Variants in TBC1D9 observed in about 807,000 individuals in gnomAD.
The protein encoded by TBC1D9 is TBC1 domain family member 9, also known as TBC1 domain family member 9A.
TBC1D9 carries 63 observed loss-of-function variants against 132.0 expected under a neutral mutation model. The observed-to-expected ratio is 0.48, with a 90% CI of 0.39 to 0.59. The LOEUF is 0.59. TBC1D9 is among the 20% of genes least tolerant of loss of function. The pLI is 0.00. For synonymous variants in TBC1D9, 610 were observed against 609.9 expected (o/e 1.00, Z 0.00); for missense variants, 1,261 against 1,592.7 (o/e 0.79, Z 3.54).
intron 13 of TBC1D9, 24 bp downstream of exon 13, chr4:140,657,073 G>A: frequency 6.2e-7 from 1 of 1,611,490 alleles, no homozygotes; most frequent in Non-Finnish European, 8.5e-7. Flanking sequence ...GTTAAGCCCT[G>A]CTCAGCCAGG....
intron 9 of TBC1D9, among the ~76,000 whole-genome samples, chr4:140,665,009 AG>A (rs2111004368): frequency 6.6e-6 from 1 of 151,300 alleles, no homozygotes; most frequent in Admixed American, 6.6e-5. Flanking sequence ...CAGGAGGCTG[AG>A]GCAGAAGAAT....
intron 13 of TBC1D9, chr4:140,645,068 C>A: frequency 2.0e-6 from 1 of 507,240 alleles, no homozygotes; most frequent in African/African-American, 1.9e-5. Flanking sequence ...CGGAGCCTGC[C>A]AGCACTGGGC....
Position 140,659,637 on chromosome 4 carries a change from C to G in TBC1D9, c.1872G>C (p.Val624=), listed in dbSNP as rs1352051778. The change falls in exon 11 of 21, where the codon GTG becomes GTC. Residue 624 remains valine, a synonymous_variant. Coordinates refer to ENST00000442267, the MANE Select transcript of TBC1D9 (RefSeq NM_015130.3). The part of the protein sequence containing the change: ...AKEEEAFWLL[V]ALCERMLPDY... ...CTGGGAGCATGCGCTCACACAAAGC[C>G]ACAAGCAGCCAGAAAGCTTCCTCCT... 1 of 1,607,252 alleles carries G rather than the reference C, an allele frequency of 6.2e-7. No individual in the cohort carries two copies. Among genetic ancestry groups the G allele is most frequent in the African/African-American group, 1.3e-5 (1 of 74,958 alleles).
At chr4:140,684,911 T>C (rs745982069) in intron 3 of TBC1D9, among the ~76,000 whole-genome samples, 6 of 151,928 alleles carry the variant, frequency 3.9e-5, no homozygotes, top group Non-Finnish European at 7.4e-5. Flanking sequence ...TGGGATAGTG[T>C]GAGCACCAAA....
chr4:140,701,000 G>A (rs1738061054), intron 2 of TBC1D9: 1 of 155,242 alleles, frequency 6.4e-6, no homozygotes, highest in Admixed American at 6.3e-5. Flanking sequence ...ATTATCATCA[G>A]GAGAAATAAA....
intron 2 of TBC1D9, among the ~76,000 whole-genome samples, chr4:140,687,819 C>T (rs1224843186): frequency 1.3e-5 from 2 of 152,166 alleles, no homozygotes; most frequent in Non-Finnish European, 2.9e-5. Context: ...AGTGCAGTGG[C>T]TCACGACTGT....
intron 13 of TBC1D9, chr4:140,643,283 G>C: frequency 7.7e-7 from 1 of 1,305,094 alleles, no homozygotes; most frequent in Non-Finnish European, 1.1e-6. Context: ...GGGTGATGCC[G>C]TGCAGAAAGC....
intron 9 of TBC1D9, among the ~76,000 whole-genome samples, chr4:140,667,271 G>A (rs1414598801): frequency 1.3e-5 from 2 of 152,096 alleles, no homozygotes; most frequent in South Asian, 2.1e-4. Flanking sequence ...TCCATCTGCC[G>A]TTAAAGGAAA....
intron 1 of TBC1D9, among the ~76,000 whole-genome samples, chr4:140,743,039 GA>G (rs1166016667): frequency 6.6e-6 from 1 of 151,934 alleles, no homozygotes; most frequent in Non-Finnish European, 1.5e-5. Flanking sequence ...GAGGAAGGAG[GA>G]AAGGAAGGAG....
chr4:140,686,246 A>G, intron 3 of TBC1D9, 98 bp downstream of exon 3: 1 of 725,416 alleles, frequency 1.4e-6, no homozygotes, highest in Non-Finnish European at 2.2e-6. Flanking sequence ...ATTTGGGCAA[A>G]GGGTATACAG....
chr4:140,721,885 C>T (rs1346103759), intron 1 of TBC1D9, among the ~76,000 whole-genome samples: 2 of 152,292 alleles, frequency 1.3e-5, no homozygotes. Flanking sequence ...TGTAGTCCTT[C>T]TACCTGCTCA....
At chr4:140,657,370 T>C in intron 12 of TBC1D9, 144 bp from the exon 13 acceptor site, 1 of 1,352,128 alleles carries the variant, frequency 7.4e-7, no homozygotes, top group Non-Finnish European at 1.0e-6. Context: ...AGAAATTCTG[T>C]TAATTTCTAA....
chr4:140,725,173 A>C (rs1241669935), intron 1 of TBC1D9, among the ~76,000 whole-genome samples: 2 of 152,226 alleles, frequency 1.3e-5, no homozygotes, highest in African/African-American at 4.8e-5. Context: ...TTAACAGAGG[A>C]GTAAATAAAA....
chr4:140,670,166 A>G (rs1737513704), intron 7 of TBC1D9, among the ~76,000 whole-genome samples: 1 of 152,194 alleles, frequency 6.6e-6, no homozygotes, highest in East Asian at 1.9e-4. Flanking sequence ...TGGCGCCTCA[A>G]AAATGTCCAC....
chr4:140,676,833 G>C, intron 6 of TBC1D9, 61 bp downstream of exon 6: 1 of 1,579,450 alleles, frequency 6.3e-7, no homozygotes, highest in Non-Finnish European at 8.6e-7. Flanking sequence ...AATTATTCCT[G>C]GTTCACCCAG....
chr4:140,634,574 G>C (rs751715430), intron 15 of TBC1D9, among the ~76,000 whole-genome samples: 2 of 152,096 alleles, frequency 1.3e-5, no homozygotes, highest in Non-Finnish European at 2.9e-5. Flanking sequence ...AAAAAGATAG[G>C]AATTTAGGTA....
chr4:140,633,836 A>T (rs1736834563), intron 16 of TBC1D9, 112 bp downstream of exon 16: 2 of 1,306,412 alleles, frequency 1.5e-6, no homozygotes, highest in Non-Finnish European at 2.1e-6. Context: ...ACATTTTATA[A>T]TCAGTTTGCA....
At chr4:140,665,529 T>C (rs959922832) in intron 9 of TBC1D9, among the ~76,000 whole-genome samples, 3 of 152,140 alleles carry the variant, frequency 2.0e-5, no homozygotes, top group African/African-American at 4.8e-5. Context: ...ATCAAAATAA[T>C]GTTTAACCTT....
At chr4:140,731,313 T>TA (rs1738586313) in intron 1 of TBC1D9, among the ~76,000 whole-genome samples, 1 of 152,162 alleles carries the variant, frequency 6.6e-6, no homozygotes, top group South Asian at 2.1e-4. Flanking sequence ...AACACTCAAT[T>TA]AATATTACAT....
Sources: gnomAD v4.1 joint callset for allele counts (sites outside exome capture counted in the v4.1 genomes callset) on GRCh38, gnomAD v4.1.1 for gene constraint, MANE v1.5 for transcripts, NCBI Gene and HGNC (gene_info 2026-07-23, HGNC 2026-07-21) for gene names.